Variants in NRXN3 observed in about 807,000 individuals in gnomAD.
NRXN3 encodes neurexin III.
NRXN3 carries 32 observed loss-of-function variants against 137.6 expected under a neutral mutation model. The ratio of observed to expected loss-of-function variants is 0.23; its 90% CI spans 0.18 to 0.31. The LOEUF (loss-of-function observed/expected upper bound fraction) is 0.31. Ranked by LOEUF, NRXN3 falls within the 10% of genes least tolerant of loss-of-function variation. The probability of loss-of-function intolerance (pLI) is 1.00; values close to 1 mark genes in which losing one functional copy is unlikely to be tolerated. For synonymous variants in NRXN3, 798 were observed against 784.5 expected, an observed-to-expected ratio of 1.02 and a Z score of -0.29; for missense variants, 1,574 against 2,062.5, an observed-to-expected ratio of 0.76 and a Z score of 4.59.
At chr14:78,503,012 G>T (rs1459112426) in intron 4 of NRXN3, among the ~76,000 whole-genome samples, 1 of 152,190 alleles carries the variant, frequency 6.6e-6, no homozygotes, top group African/African-American at 2.4e-5. Context: ...TGTTAGAGGA[G>T]TGTAGTTACT....
chr14:79,193,301 G>A (rs1038710627), intron 15 of NRXN3, among the ~76,000 whole-genome samples: 1 of 152,302 alleles, frequency 6.6e-6, no homozygotes, highest in Non-Finnish European at 1.5e-5. Context: ...TCTGACTTTG[G>A]TTTTAAATTG....
intron 1 of NRXN3, among the ~76,000 whole-genome samples, chr14:78,218,229 C>T (rs1414267984): frequency 1.3e-5 from 2 of 151,994 alleles, no homozygotes. Flanking sequence ...TGGTGGCGCA[C>T]ACCTGTAGTC....
Position 78,685,459 on chromosome 14 carries a change from C to T in NRXN3, c.1222-23758C>T, listed in dbSNP as rs1326896825. 3.3e-5 allele frequency among the ~76,000 whole-genome samples: 5 copies of T among 152,024 alleles called. No individual in the cohort carries two copies. In the East Asian group the frequency reaches 9.7e-4, roughly 29 times the overall value. ...TCCTCATCTCCAATGTGCACCTCCT[C>T]ATTCACCCTGATGCAGCCACACCAA... On this transcript the variant is annotated intron_variant, in intron 6 of 20. Coordinates refer to ENST00000335750, the MANE Select transcript of NRXN3 (RefSeq NM_001330195.2).
intron 8 of NRXN3, among the ~76,000 whole-genome samples, chr14:78,767,263 C>T (rs913267919): frequency 1.3e-5 from 2 of 152,134 alleles, no homozygotes; most frequent in African/African-American, 4.8e-5. Flanking sequence ...TGACATGTGG[C>T]CTTTCCATAG....
At chr14:79,577,188 G>A (rs1346655209) in intron 16 of NRXN3, among the ~76,000 whole-genome samples, 1 of 152,138 alleles carries the variant, frequency 6.6e-6, no homozygotes, top group Non-Finnish European at 1.5e-5. Context: ...CCCAAGCCTT[G>A]TGGAACTGTG....
intron 3 of NRXN3, among the ~76,000 whole-genome samples, chr14:78,281,584 G>A (rs538026793): frequency 6.6e-6 from 1 of 152,286 alleles, no homozygotes; most frequent in East Asian, 1.9e-4. Context: ...ACTTCATGGG[G>A]TGAAATCCAC....
chr14:79,646,565 A>G lies in NRXN3; in HGVS notation c.3445-17213A>G, dbSNP rs1377412139. Reference sequence around the variant, plus strand: ...GGCAGCTACTGTGCTCCACATAACCATAAAGTGAACATTTTGACATTCCCG... The same window carrying G: ...GGCAGCTACTGTGCTCCACATAACCGTAAAGTGAACATTTTGACATTCCCG... On this transcript the variant is annotated intron_variant, in intron 16 of 20. Transcript: ENST00000335750. Among the ~76,000 whole-genome samples the G allele has an allele frequency of 4.4e-5, 6 of 135,446 alleles. 1 individual carries two copies. Among genetic ancestry groups the G allele is most frequent in the Non-Finnish European group, 8.6e-5 (5 of 58,244 alleles). The allele number at this position is 135,446 out of a possible 152,430, so 88.9% of individuals were successfully genotyped here. A position where few individuals can be genotyped will look rare whatever the true frequency, so the allele number is the denominator to read the frequency against.
chr14:79,313,957 A>C (rs1452318676), intron 15 of NRXN3: 5 of 147,456 alleles, frequency 3.4e-5, no homozygotes, highest in African/African-American at 1.3e-4. Context: ...TTCTCCATCC[A>C]GCTTTGTTCT....
At position 79,327,995 on chromosome 14, in the gene NRXN3, G is replaced by A. The variant is rs116772161; in HGVS notation, c.3263-139226G>A. Among the ~76,000 whole-genome samples the A allele has an allele frequency of 1.2e-3, 190 of 152,196 alleles. 1 individual carries two copies. Among genetic ancestry groups the A allele is most frequent in the African/African-American group, 4.4e-3 (184 of 41,526 alleles). On this transcript the variant is annotated intron_variant, in intron 15 of 20. Coordinates refer to ENST00000335750, the MANE Select transcript of NRXN3 (RefSeq NM_001330195.2). The stretch of plus-strand genomic sequence containing the variant: ...GCTTTTCTCAAACAGCACATGTGGG[G>A]CTTAATACCTAGATGATGGGTTGAT...
chr14:79,174,559 G>T (rs1410091582), intron 15 of NRXN3, among the ~76,000 whole-genome samples: 1 of 146,076 alleles, frequency 6.8e-6, no homozygotes, highest in Non-Finnish European at 1.5e-5. Context: ...TCCTAATTAT[G>T]AGACTCTCAT....
chr14:78,882,332 G>C (rs1289540866), intron 10 of NRXN3, among the ~76,000 whole-genome samples: 1 of 151,702 alleles, frequency 6.6e-6, no homozygotes, highest in Non-Finnish European at 1.5e-5. Context: ...CAGAATGGTA[G>C]ATCCACTGAC....
chr14:79,553,903 G>T (rs1485306288), intron 16 of NRXN3, among the ~76,000 whole-genome samples: 1 of 152,046 alleles, frequency 6.6e-6, no homozygotes, highest in Admixed American at 6.6e-5. Context: ...TAATGAATGG[G>T]CAGGAACTCT....
chr14:79,563,751 G>A (rs1028771143), intron 16 of NRXN3, among the ~76,000 whole-genome samples: 2 of 151,948 alleles, frequency 1.3e-5, no homozygotes, highest in Non-Finnish European at 2.9e-5. Flanking sequence ...GCAGTTGCAG[G>A]GCTTGGTAAT....
At chr14:79,175,762 A>C (rs1415346638) in intron 15 of NRXN3, among the ~76,000 whole-genome samples, 1 of 152,222 alleles carries the variant, frequency 6.6e-6, no homozygotes. Flanking sequence ...TCTGATTCCC[A>C]AGCCCAGAGC....
intron 20 of NRXN3, among the ~76,000 whole-genome samples, chr14:79,845,484 G>T (rs1267134442): frequency 6.6e-6 from 1 of 151,916 alleles, no homozygotes; most frequent in Non-Finnish European, 1.5e-5. Flanking sequence ...TTATTAATTT[G>T]TCTAATTTCT....
At chr14:78,522,359 A>G (rs558308246) in intron 4 of NRXN3, among the ~76,000 whole-genome samples, 6 of 152,198 alleles carry the variant, frequency 3.9e-5, no homozygotes, top group Non-Finnish European at 7.3e-5. Flanking sequence ...TCTAAATTCC[A>G]TACTCTTTAT....
chr14:78,713,593 T>C (rs930496941), intron 7 of NRXN3, among the ~76,000 whole-genome samples: 2 of 152,366 alleles, frequency 1.3e-5, no homozygotes, highest in Admixed American at 1.3e-4. Context: ...CTCATGCTGC[T>C]AATAAAGACA....
At chr14:78,736,833 T>A (rs1023241392) in intron 8 of NRXN3, among the ~76,000 whole-genome samples, 3 of 152,146 alleles carry the variant, frequency 2.0e-5, no homozygotes, top group Non-Finnish European at 2.9e-5. Context: ...ATTAGATAAA[T>A]GTTCAGGACA....
At chr14:79,758,567 G>A (rs1184721213) in intron 19 of NRXN3, among the ~76,000 whole-genome samples, 2 of 152,082 alleles carry the variant, frequency 1.3e-5, no homozygotes, top group Admixed American at 1.3e-4. Flanking sequence ...CCAACATTGG[G>A]GATCACATTT....
Sources: allele counts gnomAD v4.1 joint callset (sites outside exome capture counted in the v4.1 genomes callset), GRCh38; gene constraint gnomAD v4.1.1; transcripts MANE v1.5; gene names NCBI Gene and HGNC (gene_info 2026-07-23, HGNC 2026-07-21).